The following CLDN20 variants were observed in gnomAD, a reference collection of about 807,000 sequenced individuals.
CLDN20 encodes claudin-20.
For synonymous variants in CLDN20, 104 were observed against 103.6 expected (o/e 1.00, Z -0.03); for missense variants, 258 against 267.9 (o/e 0.96, Z 0.26).
Position 155,273,106 on chromosome 6 carries a change from C to T in CLDN20, c.-104-2510C>T, listed in dbSNP as rs1583325821. ...AGTAATTTAGCAAGCTGGCTGGAGT[C>T]CGAAATGCTAAAACCTAAACTTGAA... is the stretch of plus-strand genomic sequence containing the variant. On this transcript the variant is annotated intron_variant, in intron 1 of 1. Coordinates refer to ENST00000367165, the MANE Select transcript of CLDN20 (RefSeq NM_001001346.3). Among the ~76,000 whole-genome samples the T allele has an allele frequency of 2.0e-5, 3 of 152,314 alleles. No individual in the cohort carries two copies. The South Asian group carries it at 6.2e-4, about 32-fold the overall frequency.
At chr6:155,268,411 T>C (rs1784760073) in intron 1 of CLDN20, among the ~76,000 whole-genome samples, 1 of 152,220 alleles carries the variant, frequency 6.6e-6, no homozygotes, top group Non-Finnish European at 1.5e-5. Flanking sequence ...CTCATAAGCC[T>C]GTTACTGTGA....
chr6:155,269,683 A>C (rs1399449145), intron 1 of CLDN20, among the ~76,000 whole-genome samples: 2 of 152,196 alleles, frequency 1.3e-5, no homozygotes, highest in Non-Finnish European at 2.9e-5. Flanking sequence ...TAAGTATTAT[A>C]GCACCTTAAA....
intron 1 of CLDN20, among the ~76,000 whole-genome samples, chr6:155,266,190 A>AT (rs969672596): frequency 1.3e-5 from 2 of 151,852 alleles, no homozygotes; most frequent in African/African-American, 2.4e-5. Flanking sequence ...CCATCACAAC[A>AT]TTTTTTTTAA....
At chr6:155,273,103 A>G (rs931379394) in intron 1 of CLDN20, among the ~76,000 whole-genome samples, 4 of 152,234 alleles carry the variant, frequency 2.6e-5, no homozygotes, top group Non-Finnish European at 5.9e-5. Flanking sequence ...AGCTGGCTGG[A>G]GTCCGAAATG....
At chr6:155,272,065 G>A (rs1000707015) in intron 1 of CLDN20, among the ~76,000 whole-genome samples, 5 of 152,036 alleles carry the variant, frequency 3.3e-5, no homozygotes, top group African/African-American at 1.2e-4. Flanking sequence ...TAACTTATTG[G>A]AGCTTTATAA....
intron 1 of CLDN20, among the ~76,000 whole-genome samples, chr6:155,265,214 C>G (rs1368039291): frequency 6.6e-6 from 1 of 152,156 alleles, no homozygotes; most frequent in Non-Finnish European, 1.5e-5. Flanking sequence ...TGTGGCAGCA[C>G]ATTGGCAACT....
intron 1 of CLDN20, among the ~76,000 whole-genome samples, chr6:155,270,899 T>C (rs1225140316): frequency 1.3e-5 from 2 of 152,234 alleles, no homozygotes; most frequent in African/African-American, 4.8e-5. Context: ...ACTGAATTGT[T>C]TGTATTTCCC....
At position 155,275,863 on chromosome 6, in the gene CLDN20, C is replaced by T. The variant is rs372008756; in HGVS notation, c.144C>T (p.His48=). The T allele has an allele frequency of 1.3e-5, 21 of 1,614,002 alleles. No individual in the cohort carries two copies. The highest frequency in any genetic ancestry group is 4.4e-5 in the South Asian group (4 of 91,080). The change falls in exon 2 of 2, where the codon CAC becomes CAT. Residue 48 remains histidine, a synonymous_variant. Coordinates refer to ENST00000367165, the MANE Select transcript of CLDN20 (RefSeq NM_001001346.3). ...SNIITAIVQL[H]GLWMDCTWYS... ...TCATAACAGCCATTGTACAGCTGCA[C>T]GGGCTCTGGATGGACTGTACGTGGT...
chr6:155,267,299 A>C (rs1784699471), intron 1 of CLDN20, among the ~76,000 whole-genome samples: 1 of 152,200 alleles, frequency 6.6e-6, no homozygotes. Context: ...TTCTTGATGA[A>C]AGGGTCAGCT....
chr6:155,269,352 C>T (rs1184340777), intron 1 of CLDN20, among the ~76,000 whole-genome samples: 1 of 124,710 alleles, frequency 8.0e-6, no homozygotes, highest in Non-Finnish European at 1.6e-5. Context: ...GATGGAGTCT[C>T]GCTCTGTCAC....
At chr6:155,272,457 C>A (rs907285332) in intron 1 of CLDN20, among the ~76,000 whole-genome samples, 15 of 151,896 alleles carry the variant, frequency 9.9e-5, no homozygotes, top group Non-Finnish European at 7.4e-5. Flanking sequence ...TCACTGTAGA[C>A]CATGTAAGTG....
At position 155,276,153 on chromosome 6, in the gene CLDN20, C is replaced by G; in HGVS notation, c.434C>G (p.Ala145Gly). Residue 145 changes from alanine (A) to glycine (G), a missense_variant, in exon 2 of 2, where the codon GCA becomes GGA. Physicochemically the swap from Ala to Gly is moderately conservative, Grantham distance 60. Coordinates refer to ENST00000367165, the MANE Select transcript of CLDN20 (RefSeq NM_001001346.3). ...GTGTGGTACACAAAGGAGATCATAG[C>G]AAACTTTCTGGATCTGACAGTTCCA... ...STVWYTKEII[A>G]NFLDLTVPES... 1 of 1,614,142 alleles carries G rather than the reference C, an allele frequency of 6.2e-7. No homozygotes were observed. The highest frequency in any genetic ancestry group is 8.5e-7 in the Non-Finnish European group (1 of 1,180,000).
At chr6:155,274,542 G>A (rs1464212498) in intron 1 of CLDN20, among the ~76,000 whole-genome samples, 1 of 152,180 alleles carries the variant, frequency 6.6e-6, no homozygotes, top group Non-Finnish European at 1.5e-5. Context: ...CAGAATAGCC[G>A]GCTTCATTTG....
chr6:155,265,444 T>C (rs1421899884), intron 1 of CLDN20, among the ~76,000 whole-genome samples: 1 of 152,112 alleles, frequency 6.6e-6, no homozygotes, highest in African/African-American at 2.4e-5. Flanking sequence ...ACACTGAAGA[T>C]GCTTGGTCAG....
In CLDN20 at chr6:155,275,637, C is replaced by G; in HGVS notation, c.-83C>G. ...TTAGGCTTTGTTATTTGGTTCTCTA[C>G]TGCACAGAAATAGATAGAATTCTGA... On this transcript the variant is annotated 5_prime_UTR_variant, in exon 2 of 2. Transcript: ENST00000367165. 2 of 1,365,798 alleles carry G rather than the reference C, an allele frequency of 1.5e-6. No individual in the cohort carries two copies. The highest frequency in any genetic ancestry group is 1.5e-5 in the African/African-American group (1 of 68,858). The allele number at this position is 1,365,798 out of a possible 1,614,324, so 84.6% of individuals were successfully genotyped here.
At position 155,276,446 on chromosome 6, in the gene CLDN20, A is replaced by G; in HGVS notation, c.*67A>G. 1 of 1,358,164 alleles carries G rather than the reference A, an allele frequency of 7.4e-7. No individual in the cohort carries two copies. The highest frequency in any genetic ancestry group is 1.0e-6 in the Non-Finnish European group (1 of 990,798). 84.1% of individuals were successfully genotyped at this position (1,358,164 alleles called of 1,614,324 possible). On this transcript the variant is annotated 3_prime_UTR_variant, in exon 2 of 2. Coordinates refer to ENST00000367165, the MANE Select transcript of CLDN20 (RefSeq NM_001001346.3). ...AATGGGACTTTTAGATTAAAAAAAA[A>G]TCAGAATTATGCTTAACTTTCCCTA...
At chr6:155,267,024 C>T (rs112187332) in intron 1 of CLDN20, among the ~76,000 whole-genome samples, 2,935 of 144,184 alleles carry the variant, frequency 0.02, 44 homozygotes, top group African/African-American at 0.031. Flanking sequence ...GGCTGGAGTG[C>T]AGTGCAGTGG....
At chr6:155,272,954 A>G (rs1583325588) in intron 1 of CLDN20, among the ~76,000 whole-genome samples, 1 of 152,222 alleles carries the variant, frequency 6.6e-6, no homozygotes, top group Non-Finnish European at 1.5e-5. Context: ...ATTGACAACA[A>G]AGGTTATTCA....
intron 1 of CLDN20, among the ~76,000 whole-genome samples, chr6:155,266,769 C>T (rs1784653693): frequency 7.0e-6 from 1 of 143,726 alleles, no homozygotes; most frequent in Non-Finnish European, 1.5e-5. Context: ...ATGGCGTGAG[C>T]CTGGGAGGCG....
Sources: gnomAD v4.1 joint callset for allele counts (sites outside exome capture counted in the v4.1 genomes callset) on GRCh38, gnomAD v4.1.1 for gene constraint, MANE v1.5 for transcripts, NCBI Gene and HGNC (gene_info 2026-07-23, HGNC 2026-07-21) for gene names.